The following NLGN4Y variants were observed in gnomAD, a reference collection of about 807,000 sequenced individuals.
NLGN4Y encodes the protein neuroligin-4, Y-linked.
A neutral mutation model predicts 8.4 loss-of-function variants in NLGN4Y; 4 were observed. The ratio of observed to expected loss-of-function variants is 0.48; its 90% CI spans 0.23 to 1.09. The LOEUF (loss-of-function observed/expected upper bound fraction) is 1.09. NLGN4Y is among the 50% of genes least tolerant of loss of function. The pLI is 0.19. For synonymous variants in NLGN4Y, 35 were observed against 75.6 expected (o/e 0.46, Z 2.78); for missense variants, 90 against 192.3 (o/e 0.47, Z 3.15).
At chrY:14,552,933 A>G (rs2080198966) in intron 1 of NLGN4Y, among the ~76,000 whole-genome samples, 1 of 33,494 alleles carries the variant, frequency 3.0e-5, no homozygotes, top group Non-Finnish European at 7.4e-5. Flanking sequence ...CAATCAGGCA[A>G]GAGAAAGAAA....
chrY:14,545,922 G>C, intron 1 of NLGN4Y, among the ~76,000 whole-genome samples: 1 of 32,070 alleles, frequency 3.1e-5, no homozygotes, highest in Admixed American at 2.9e-4. Flanking sequence ...CTAACATTTA[G>C]GTCTTTAATC....
At chrY:14,810,166 G>A in intron 4 of NLGN4Y, among the ~76,000 whole-genome samples, 1 of 33,344 alleles carries the variant, frequency 3.0e-5, no homozygotes, top group Non-Finnish European at 7.4e-5. Flanking sequence ...CAAGCTTTTT[G>A]AAAAATAAAA....
At chrY:14,652,423 T>C in intron 2 of NLGN4Y, among the ~76,000 whole-genome samples, 1 of 33,345 alleles carries the variant, frequency 3.0e-5, no homozygotes, top group Admixed American at 2.7e-4. Context: ...CTTCGTGTAA[T>C]GTTGCTTTTT....
chrY:14,648,252 C>G, intron 2 of NLGN4Y, among the ~76,000 whole-genome samples: 1 of 32,761 alleles, frequency 3.1e-5, no homozygotes, highest in East Asian at 8.1e-4. Context: ...ACTAAAAATA[C>G]AAAAATTAGC....
intron 2 of NLGN4Y, among the ~76,000 whole-genome samples, chrY:14,703,385 C>G: frequency 3.0e-5 from 1 of 33,656 alleles, no homozygotes; most frequent in Non-Finnish European, 7.4e-5. Flanking sequence ...ATACGGCTAA[C>G]CAGTTTTCCC....
At chrY:14,541,814 A>G in intron 1 of NLGN4Y, among the ~76,000 whole-genome samples, 1 of 33,747 alleles carries the variant, frequency 3.0e-5, no homozygotes, top group African/African-American at 1.2e-4. Context: ...ATCAGTAAAT[A>G]TGGAAAGAAC....
chrY:14,741,724 C>A, intron 4 of NLGN4Y, among the ~76,000 whole-genome samples: 1 of 34,124 alleles, frequency 2.9e-5, no homozygotes, highest in South Asian at 6.4e-4. Flanking sequence ...AGCAAGTAGG[C>A]CAAGAGGATG....
chrY:14,600,849 C>T (rs2080424367), intron 1 of NLGN4Y, among the ~76,000 whole-genome samples: 1 of 33,006 alleles, frequency 3.0e-5, no homozygotes. Context: ...AAGCATTTAT[C>T]GTTTATTTGT....
At chrY:14,635,097 A>G in intron 2 of NLGN4Y, among the ~76,000 whole-genome samples, 1 of 33,375 alleles carries the variant, frequency 3.0e-5, no homozygotes, top group Admixed American at 2.7e-4. Context: ...CTTTTATGAC[A>G]TAATCATTCA....
intron 4 of NLGN4Y, among the ~76,000 whole-genome samples, chrY:14,796,922 T>C: frequency 3.0e-5 from 1 of 33,739 alleles, no homozygotes; most frequent in Admixed American, 2.8e-4. Context: ...ATAATTTTAG[T>C]CTTTCTATAT....
intron 4 of NLGN4Y, among the ~76,000 whole-genome samples, chrY:14,762,103 T>C (rs932582490): frequency 6.0e-5 from 2 of 33,550 alleles, no homozygotes; most frequent in Non-Finnish European, 1.5e-4. Context: ...TACAGTGAGC[T>C]ATTGATGATT....
At chrY:14,704,587 TC>T (rs2080869260) in intron 2 of NLGN4Y, among the ~76,000 whole-genome samples, 1 of 33,268 alleles carries the variant, frequency 3.0e-5, no homozygotes, top group African/African-American at 1.2e-4. Context: ...GATGTTTGCA[TC>T]GATGTTCCTC....
chrY:14,802,684 T>TA (rs2043038237), intron 4 of NLGN4Y, among the ~76,000 whole-genome samples: 2 of 11,099 alleles, frequency 1.8e-4, no homozygotes, highest in African/African-American at 7.7e-4. Context: ...TTAAATATAT[T>TA]TAAATTTAAA....
chrY:14,553,383 A>C, intron 1 of NLGN4Y, among the ~76,000 whole-genome samples: 1 of 32,790 alleles, frequency 3.0e-5, no homozygotes, highest in South Asian at 6.8e-4. Flanking sequence ...ATCCCCATCA[A>C]GCTACCATGA....
At chrY:14,747,476 A>T in intron 4 of NLGN4Y, among the ~76,000 whole-genome samples, 1 of 32,549 alleles carries the variant, frequency 3.1e-5, no homozygotes, top group Non-Finnish European at 7.5e-5. Context: ...CTTCTTGTAC[A>T]CCCTGCAGAA....
At chrY:14,702,584 C>T in intron 2 of NLGN4Y, among the ~76,000 whole-genome samples, 1 of 33,109 alleles carries the variant, frequency 3.0e-5, no homozygotes, top group Non-Finnish European at 7.4e-5. Flanking sequence ...GGGTTGGTTC[C>T]AAGTCTTTGC....
At chrY:14,549,600 A>G (rs1056507735) in intron 1 of NLGN4Y, among the ~76,000 whole-genome samples, 1 of 32,998 alleles carries the variant, frequency 3.0e-5, no homozygotes, top group Non-Finnish European at 7.4e-5. Flanking sequence ...TACTGCTACT[A>G]TTCCATCTCC....
At chrY:14,749,822 G>C in intron 4 of NLGN4Y, among the ~76,000 whole-genome samples, 2 of 33,921 alleles carry the variant, frequency 5.9e-5, no homozygotes, top group Non-Finnish European at 1.5e-4. Flanking sequence ...AATAATTAAA[G>C]ATCTTATAAT....
intron 4 of NLGN4Y, among the ~76,000 whole-genome samples, chrY:14,737,453 A>G: frequency 3.0e-5 from 1 of 33,734 alleles, no homozygotes; most frequent in East Asian, 7.8e-4. Context: ...GATTTACTGT[A>G]TAGGACACAC....
Sources: allele counts gnomAD v4.1 joint callset (sites outside exome capture counted in the v4.1 genomes callset), GRCh38; gene constraint gnomAD v4.1.1; transcripts MANE v1.5; gene names NCBI Gene and HGNC (gene_info 2026-07-23, HGNC 2026-07-21).